The following PRC1 variants were observed in gnomAD, a reference collection of about 807,000 sequenced individuals.
The protein encoded by PRC1 is protein regulator of cytokinesis 1, also known as anaphase spindle elongation 1 homolog.
A neutral mutation model predicts 91.2 loss-of-function variants in PRC1; 54 were observed. The ratio of observed to expected loss-of-function variants is 0.59; its 90% CI spans 0.48 to 0.74. PRC1 has a LOEUF of 0.74. Ranked by LOEUF, PRC1 falls within the 30% of genes least tolerant of loss-of-function variation. PRC1 has a pLI of 0.00. For synonymous variants in PRC1, 275 were observed against 263.6 expected, an observed-to-expected ratio of 1.04 and a Z score of -0.42; for missense variants, 727 against 746.2, an observed-to-expected ratio of 0.97 and a Z score of 0.30.
Position 90,980,348 on chromosome 15 carries a change from T to G in PRC1, c.864A>C (p.Gln288His). The G allele has an allele frequency of 6.2e-7, 1 of 1,614,114 alleles. No homozygotes were observed. The highest frequency in any genetic ancestry group is 1.1e-5 in the South Asian group (1 of 91,066). ...EVDRLEELKM[Q>H]NMKKVIEAIR... ...TTGCCTCAATCACTTTCTTCATGTT[T>G]TGCATTTTCAGTTCTTCCAACCGAT... Residue 288 changes from glutamine (Q) to histidine (H), a missense_variant, in exon 7 of 15, where the codon CAA becomes CAC. By Grantham distance (24) the Gln-to-His change is conservative (BLOSUM62 0). Coordinates refer to ENST00000394249, the MANE Select transcript of PRC1 (RefSeq NM_003981.4).
Position 90,972,041 on chromosome 15 carries a change from C to CA in PRC1, c.1462-1528dup, listed in dbSNP as rs371544842. 2.6e-3 allele frequency among the ~76,000 whole-genome samples: 391 copies of CA among 148,540 alleles called. 1 individual carries two copies. Among genetic ancestry groups the CA allele is most frequent in the African/African-American group, 6.4e-3 (258 of 40,362 alleles). ...AGACTCCGTCTCAAAAAAACAAAAC[C>CA]AAAAAAAACACATTTTAGGCCAGGC... On this transcript the variant is annotated intron_variant, in intron 11 of 14. Coordinates refer to ENST00000394249, the MANE Select transcript of PRC1 (RefSeq NM_003981.4).
At chr15:90,993,586 T>C (rs762015196) in intron 1 of PRC1, among the ~76,000 whole-genome samples, 21 of 152,094 alleles carry the variant, frequency 1.4e-4, no homozygotes, top group Non-Finnish European at 2.5e-4. Context: ...GAAAATAAAG[T>C]TAATATTTGG....
At chr15:90,976,458 C>T (rs1226224758) in intron 9 of PRC1, among the ~76,000 whole-genome samples, 1 of 151,996 alleles carries the variant, frequency 6.6e-6, no homozygotes, top group East Asian at 1.9e-4. Context: ...GGATTACAGG[C>T]GTGAGCCACT....
chr15:90,976,549 T>C, intron 9 of PRC1, 127 bp downstream of exon 9: 1 of 775,360 alleles, frequency 1.3e-6, no homozygotes, highest in East Asian at 2.6e-5. Context: ...ACTAAATATA[T>C]AACTTATTAT....
chr15:90,972,105 C>A (rs541926072), intron 11 of PRC1, among the ~76,000 whole-genome samples: 1 of 144,524 alleles, frequency 6.9e-6, no homozygotes, highest in East Asian at 2.2e-4. Context: ...CTTTGGGAGG[C>A]TGAGGCAGGA....
intron 3 of PRC1, among the ~76,000 whole-genome samples, chr15:90,982,964 T>C (rs1279092932): frequency 6.6e-6 from 1 of 152,172 alleles, no homozygotes; most frequent in Non-Finnish European, 1.5e-5. Flanking sequence ...CATATACATT[T>C]TTCTTAAATG....
Position 90,966,594 on chromosome 15 carries a change from T to A in PRC1, c.*537A>T, listed in dbSNP as rs1212052745. 8.8e-6 allele frequency: 4 copies of A among 456,148 alleles called. No individual in the cohort carries two copies. The Admixed American group carries it at 9.4e-5, about 11-fold the overall frequency. 28.3% of individuals were successfully genotyped at this position (456,148 alleles called of 1,614,324 possible). On this transcript the variant is annotated 3_prime_UTR_variant, in exon 15 of 15. Transcript: ENST00000394249. Reference sequence around the variant, plus strand: ...AGCCTTCCTGTCACCTCTTTGGCAGTAGGGCAGGCCATCTCAACTTCGGAC... The same window carrying A: ...AGCCTTCCTGTCACCTCTTTGGCAGAAGGGCAGGCCATCTCAACTTCGGAC...
rs1044046929 is a variant in PRC1, at chr15:90,994,512, C to A, written c.-95G>T. On this transcript the variant is annotated 5_prime_UTR_variant, in exon 1 of 15. Transcript: ENST00000394249. ...CCCGCAAACACCGGCGATGTCACTC[C>A]GCGTAGCCGCTCCGCGAGCCGTTGA... The A allele has an allele frequency of 2.8e-6, 4 of 1,445,840 alleles. No homozygotes were observed. Among genetic ancestry groups the A allele is most frequent in the Non-Finnish European group, 3.7e-6 (4 of 1,085,594 alleles). The allele number at this position is 1,445,840 out of a possible 1,614,324, so 89.6% of individuals were successfully genotyped here. A position where few individuals can be genotyped will look rare whatever the true frequency, so the allele number is the denominator to read the frequency against.
At position 90,984,525 on chromosome 15, in the gene PRC1, A is replaced by C. The variant is rs1229634273; in HGVS notation, c.144+168T>G. ...ATTACAGGCATGAGCCACCGCACCC[A>C]GCCTCCTCAAATTTCAAGAAGGGAC... is the stretch of plus-strand genomic sequence containing the variant. On this transcript the variant is annotated intron_variant, in intron 2 of 14. Transcript: ENST00000394249. This position sits in a 1 kb window ranked among gnomAD's most constrained non-coding sequence, Gnocchi z 5.1. 1.3e-5 allele frequency among the ~76,000 whole-genome samples: 2 copies of C among 152,034 alleles called. No homozygotes were observed. The highest frequency in any genetic ancestry group is 2.9e-5 in the Non-Finnish European group (2 of 67,990).
rs2038737864 is a variant in PRC1 at position 90,976,782 on chromosome 15, T to C, written c.1108-11A>G. The C allele has an allele frequency of 6.2e-7, 1 of 1,600,448 alleles. No homozygotes were observed. The highest frequency in any genetic ancestry group is 8.6e-7 in the Non-Finnish European group (1 of 1,168,608). ...ATCTGAAGCTTTTCTCTGTGAAAAATACATTTTTAATTAGTGGAAAACCTG... is the reference window on the plus strand; with the variant it reads ...ATCTGAAGCTTTTCTCTGTGAAAAACACATTTTTAATTAGTGGAAAACCTG... On this transcript the variant is annotated splice_polypyrimidine_tract_variant and intron_variant, in intron 8 of 14. Coordinates refer to ENST00000394249, the MANE Select transcript of PRC1 (RefSeq NM_003981.4).
chr15:90,982,404 CT>C (rs779812588), intron 3 of PRC1, among the ~76,000 whole-genome samples: 27 of 152,280 alleles, frequency 1.8e-4, no homozygotes, highest in Non-Finnish European at 3.2e-4. Context: ...ACCATTCTAC[CT>C]TTTGTCTCTA....
At chr15:90,990,880 G>C (rs2039941079) in intron 1 of PRC1, among the ~76,000 whole-genome samples, 1 of 151,670 alleles carries the variant, frequency 6.6e-6, no homozygotes, top group Non-Finnish European at 1.5e-5. Context: ...CTGGGATCAA[G>C]CGATTCTCCT....
At chr15:90,990,391 ATT>A (rs200166312) in intron 1 of PRC1, among the ~76,000 whole-genome samples, 37,923 of 141,678 alleles carry the variant, frequency 0.27, 5,343 homozygotes, top group East Asian at 0.5. Context: ...TAAATAAATA[ATT>A]TTTTTTTTTT....
In PRC1 at chr15:90,984,650, C is replaced by T. The variant is rs761465936; in HGVS notation, c.144+43G>A. ...GCTATCTCGGGTGAGACACCAACAT[C>T]CTTACCCTGGTCCAATGCAGAGACC... On this transcript the variant is annotated intron_variant, in intron 2 of 14. Transcript: ENST00000394249. The surrounding 1 kb of genome is among the most constrained non-coding windows in gnomAD (Gnocchi z 5.1). The T allele has an allele frequency of 6.2e-6, 10 of 1,610,758 alleles. No individual in the cohort carries two copies.
At position 90,974,289 on chromosome 15, in the gene PRC1, G is replaced by A. The variant is rs377327375; in HGVS notation, c.1351-43C>T. On this transcript the variant is annotated intron_variant, in intron 10 of 14. Coordinates refer to ENST00000394249, the MANE Select transcript of PRC1 (RefSeq NM_003981.4). The surrounding 1 kb of genome is among the most constrained non-coding windows in gnomAD (Gnocchi z 4.6). ...GCAACAGTGATAAATCTCAGGAAGA[G>A]AGCGGGTCTGGGATGGCAACAGCAG... 5.3e-4 allele frequency: 819 copies of A among 1,541,418 alleles called. No individual in the cohort carries two copies. Among genetic ancestry groups the A allele is most frequent in the Non-Finnish European group, 6.9e-4 (765 of 1,115,382 alleles).
chr15:90,970,221 CTT>C (rs2037989760), intron 12 of PRC1, among the ~76,000 whole-genome samples, 181 bp downstream of exon 12: 1 of 152,082 alleles, frequency 6.6e-6, no homozygotes, highest in African/African-American at 2.4e-5. Flanking sequence ...TGACTGTTCT[CTT>C]TTTTTGCACG....
At chr15:90,980,474 A>T in intron 6 of PRC1, 85 bp from the exon 7 acceptor site, 1 of 1,396,248 alleles carries the variant, frequency 7.2e-7, no homozygotes, top group Non-Finnish European at 9.7e-7. Flanking sequence ...TTTAAGTAAA[A>T]TTATAATGCA....
Position 90,974,091 on chromosome 15 carries a change from C to T in PRC1, c.1461+45G>A, listed in dbSNP as rs2151467522. 3 of 1,554,106 alleles carry T rather than the reference C, an allele frequency of 1.9e-6. No homozygotes were observed. Among genetic ancestry groups the T allele is most frequent in the Non-Finnish European group, 2.7e-6 (3 of 1,126,090 alleles). On this transcript the variant is annotated intron_variant, in intron 11 of 14. Transcript: ENST00000394249. This position sits in a 1 kb window ranked among gnomAD's most constrained non-coding sequence, Gnocchi z 4.6. The stretch of plus-strand genomic sequence containing the variant: ...TCAAAGAGGTGGCTGGGACTACCCT[C>T]ACCCACTCCCTTGAAATCAGTGTTT...
chr15:90,975,231 G>A (rs1341630080), intron 9 of PRC1, among the ~76,000 whole-genome samples: 3 of 152,124 alleles, frequency 2.0e-5, no homozygotes, highest in Non-Finnish European at 4.4e-5. Context: ...TCAGCCTCCC[G>A]AGTAGCTGGG....
Sources: allele counts gnomAD v4.1 joint callset (sites outside exome capture counted in the v4.1 genomes callset), GRCh38; gene constraint gnomAD v4.1.1; non-coding constraint Gnocchi (gnomAD v3.1); transcripts MANE v1.5; gene names NCBI Gene and HGNC (gene_info 2026-07-23, HGNC 2026-07-21).